The following HDAC9 variants were observed in gnomAD, a reference collection of about 807,000 sequenced individuals.
The protein encoded by HDAC9 is histone deacetylase 9.
In HDAC9, 41 loss-of-function variants were observed where a neutral mutation model predicts 139.4. The ratio of observed to expected loss-of-function variants is 0.29; its 90% CI spans 0.23 to 0.38. HDAC9 has a LOEUF of 0.38. Ranked by LOEUF, HDAC9 falls within the 10% of genes least tolerant of loss-of-function variation. The pLI is 1.00. For synonymous variants in HDAC9, 517 were observed against 476.2 expected (o/e 1.09, Z -1.12); for missense variants, 1,147 against 1,297.0 (o/e 0.88, Z 1.78).
chr7:18,944,319 G>C (rs1782222831), intron 23 of HDAC9, among the ~76,000 whole-genome samples: 1 of 152,192 alleles, frequency 6.6e-6, no homozygotes, highest in East Asian at 1.9e-4. Context: ...TTTTGTCTGA[G>C]TCGCTTTGCA....
At chr7:18,626,174 A>G (rs1841658265) in intron 6 of HDAC9, among the ~76,000 whole-genome samples, 1 of 151,990 alleles carries the variant, frequency 6.6e-6, no homozygotes, top group Admixed American at 6.6e-5. Context: ...TTTTTCCTGG[A>G]GTGCTGGAGA....
chr7:18,526,074 A>G (rs1156299045), intron 2 of HDAC9, among the ~76,000 whole-genome samples: 1 of 152,126 alleles, frequency 6.6e-6, no homozygotes, highest in East Asian at 1.9e-4. Flanking sequence ...ATAAATAATT[A>G]TTTCCTTCAA....
chr7:18,775,761 T>G (rs1278172013), intron 16 of HDAC9, among the ~76,000 whole-genome samples: 1 of 151,984 alleles, frequency 6.6e-6, no homozygotes, highest in Admixed American at 6.6e-5. Flanking sequence ...GATTTTCTTC[T>G]ATTCATAATT....
In HDAC9 at chr7:18,434,877, A is replaced by G. The variant is rs529502069; in HGVS notation, c.-41-61385A>G. Among the ~76,000 whole-genome samples the G allele has an allele frequency of 2.6e-5, 4 of 152,228 alleles. No homozygotes were observed. In the East Asian group the frequency reaches 7.7e-4, roughly 29 times the overall value. ...AACAGAACTACCATTCAACCCATCA[A>G]TCTCATTATCGGGTATATTCCCAAA... On this transcript the variant is annotated intron_variant, in intron 1 of 3. Coordinates refer to the HDAC9 transcript ENST00000413509.
At chr7:18,389,840 A>G (rs1786287665) in intron 1 of HDAC9, among the ~76,000 whole-genome samples, 1 of 152,216 alleles carries the variant, frequency 6.6e-6, no homozygotes, top group Non-Finnish European at 1.5e-5. Flanking sequence ...CTAAAAATGC[A>G]GCAAAGGCAA....
At chr7:18,988,496 T>G (rs1785569228) in intron 25 of HDAC9, among the ~76,000 whole-genome samples, 1 of 151,804 alleles carries the variant, frequency 6.6e-6, no homozygotes, top group Non-Finnish European at 1.5e-5. Flanking sequence ...TGTGGTCAAT[T>G]TTGGAATAGG....
chr7:18,290,293 C>G (rs551981166), upstream of HDAC9: 2 of 353,216 alleles, frequency 5.7e-6, no homozygotes, highest in Admixed American at 7.4e-5. Flanking sequence ...TTTATAAAGT[C>G]GTTCAGTAGC....
At chr7:18,568,727 T>C (rs940587060) in intron 2 of HDAC9, among the ~76,000 whole-genome samples, 5 of 152,170 alleles carry the variant, frequency 3.3e-5, no homozygotes, top group African/African-American at 1.2e-4. Context: ...GGAAATTTGT[T>C]TGTCACAGGG....
intron 1 of HDAC9, among the ~76,000 whole-genome samples, chr7:18,391,799 TTTC>T (rs1428847203): frequency 2.0e-5 from 3 of 152,198 alleles, no homozygotes; most frequent in Non-Finnish European, 4.4e-5. Flanking sequence ...TGCTCTCTGG[TTTC>T]TTCTTCTGTC....
At chr7:18,593,851 G>T in intron 5 of HDAC9, 57 bp from the exon 6 acceptor site, 2 of 1,593,968 alleles carry the variant, frequency 1.3e-6, no homozygotes, top group South Asian at 2.2e-5. Flanking sequence ...GATTATTGCT[G>T]ACCAATATGC....
chr7:18,134,644 G>A (rs566055870), intron 1 of HDAC9, among the ~76,000 whole-genome samples: 1 of 152,280 alleles, frequency 6.6e-6, no homozygotes, highest in Non-Finnish European at 1.5e-5. Flanking sequence ...AGCACTAGGT[G>A]TGATTCTAAA....
At chr7:18,098,641 A>G (rs1782659648) in intron 1 of HDAC9, among the ~76,000 whole-genome samples, 1 of 152,148 alleles carries the variant, frequency 6.6e-6, no homozygotes, top group Non-Finnish European at 1.5e-5. Flanking sequence ...ACCTCTTTTC[A>G]AGGCAGTTTT....
At position 18,414,535 on chromosome 7, in the gene HDAC9, T is replaced by C. The variant is rs114267798; in HGVS notation, c.-41-81727T>C. ...ATTCAGTAACGTAAGTATTTAGTTA[T>C]ATTTGCTGTCTAAAATGCCTTTTAG... On this transcript the variant is annotated intron_variant, in intron 1 of 3. Coordinates refer to the HDAC9 transcript ENST00000413509. 8.0e-3 allele frequency among the ~76,000 whole-genome samples: 1,215 copies of C among 152,316 alleles called. 16 individuals carry two copies. Among genetic ancestry groups the C allele is most frequent in the African/African-American group, 0.027 (1,134 of 41,570 alleles).
chr7:18,984,011 G>A (rs573690572), intron 25 of HDAC9, among the ~76,000 whole-genome samples: 58 of 151,818 alleles, frequency 3.8e-4, no homozygotes, highest in South Asian at 1.3e-3. Flanking sequence ...AATATTCACC[G>A]ACCACTAACC....
chr7:18,634,356 A>G (rs1291662194), intron 7 of HDAC9, among the ~76,000 whole-genome samples: 1 of 151,564 alleles, frequency 6.6e-6, no homozygotes, highest in African/African-American at 2.4e-5. Context: ...TTCTCATTCA[A>G]AGCTCCTGTG....
At chr7:18,464,445 A>G (rs1253173301) in intron 1 of HDAC9, among the ~76,000 whole-genome samples, 1 of 151,958 alleles carries the variant, frequency 6.6e-6, no homozygotes, top group Non-Finnish European at 1.5e-5. Context: ...TAATATCTGC[A>G]TTGGATAGCA....
At chr7:18,992,433 A>T in intron 25 of HDAC9, among the ~76,000 whole-genome samples, 1 of 152,374 alleles carries the variant, frequency 6.6e-6, no homozygotes, top group East Asian at 1.9e-4. Context: ...AAATAAAAAT[A>T]TATACCCACA....
chr7:18,401,049 T>C (rs576813672), intron 1 of HDAC9, among the ~76,000 whole-genome samples: 1 of 152,344 alleles, frequency 6.6e-6, no homozygotes, highest in Non-Finnish European at 1.5e-5. Flanking sequence ...TTATGGGCTT[T>C]CTGGAGAAAA....
chr7:18,276,142 C>G (rs920143281), intron 2 of HDAC9, among the ~76,000 whole-genome samples: 2 of 152,176 alleles, frequency 1.3e-5, no homozygotes, highest in African/African-American at 4.8e-5. Flanking sequence ...AAAATAATTG[C>G]AATCATAGTA....
Sources: allele counts gnomAD v4.1 joint callset (sites outside exome capture counted in the v4.1 genomes callset), GRCh38; gene constraint gnomAD v4.1.1; transcripts MANE v1.5; gene names NCBI Gene and HGNC (gene_info 2026-07-23, HGNC 2026-07-21).